The following PLEKHO2 variants were observed in gnomAD, a reference collection of about 807,000 sequenced individuals.
PLEKHO2 encodes pleckstrin homology domain containing O2, also known as pleckstrin homology domain-containing family O member 2.
Under a neutral mutation model 32.7 loss-of-function variants are expected in PLEKHO2, and 20 were observed. The ratio of observed to expected loss-of-function variants is 0.61; its 90% CI spans 0.43 to 0.89. The LOEUF (loss-of-function observed/expected upper bound fraction) is 0.89, where lower values mean the gene tolerates loss of function less well. Ranked by LOEUF, PLEKHO2 falls within the 40% of genes least tolerant of loss-of-function variation. The pLI is 0.00. For synonymous variants in PLEKHO2, 247 were observed against 246.3 expected (o/e 1.00, Z -0.03); for missense variants, 568 against 621.2 (o/e 0.91, Z 0.91).
rs1321665799 is a variant in PLEKHO2 at position 64,865,190 on chromosome 15, G to A, written c.775G>A (p.Glu259Lys). ...CCCAGCAGAGGAGGACAGTGGCTCT[G>A]AGCAGCCTCCCAACAGCGTCCTGCC... is the stretch of plus-strand genomic sequence containing the variant. ...ETPAEEDSGS[E>K]QPPNSVLPDK... is the part of the protein sequence containing the mutation. Residue 259 changes from glutamate (E) to lysine (K), a missense_variant, in exon 6 of 6, where the codon GAG becomes AAG. By Grantham distance (56) the Glu-to-Lys change is moderately conservative. Transcript: ENST00000323544. 3 of 1,614,030 alleles carry A rather than the reference G, an allele frequency of 1.9e-6. No homozygotes were observed. In the Admixed American group the frequency reaches 5.0e-5, roughly 27 times the overall value.
At chr15:64,859,559 T>G (rs972106059) in intron 3 of PLEKHO2, among the ~76,000 whole-genome samples, 1 of 152,172 alleles carries the variant, frequency 6.6e-6, no homozygotes, top group Non-Finnish European at 1.5e-5. Flanking sequence ...TGGGGTGGGT[T>G]TGAATGTAGA....
At chr15:64,855,285 T>G (rs974741638) in intron 3 of PLEKHO2, among the ~76,000 whole-genome samples, 7 of 152,326 alleles carry the variant, frequency 4.6e-5, no homozygotes, top group African/African-American at 1.4e-4. Flanking sequence ...CTTTTCCTCT[T>G]GCAGGCCCAG....
rs1167416725 is a variant in PLEKHO2 at position 64,866,866 on chromosome 15, C to T, written c.*978C>T. ...AACAGGTCCAGTATCCCAGTCATTT[C>T]TTCAAATGCTGATAGGGGTATGTTG... On this transcript the variant is annotated 3_prime_UTR_variant, in exon 6 of 6. Coordinates refer to ENST00000323544, the MANE Select transcript of PLEKHO2 (RefSeq NM_025201.5). 1 of 153,078 alleles carries T rather than the reference C, an allele frequency of 6.5e-6. No homozygotes were observed. The highest frequency in any genetic ancestry group is 1.5e-5 in the Non-Finnish European group (1 of 68,608). The allele number at this position is 153,078 out of a possible 1,614,324, so 9.5% of individuals were successfully genotyped here.
At chr15:64,862,675 A>G (rs192246668) in intron 5 of PLEKHO2, among the ~76,000 whole-genome samples, 1 of 152,348 alleles carries the variant, frequency 6.6e-6, no homozygotes, top group African/African-American at 2.4e-5. Context: ...AGAGATGGGC[A>G]CAAGACCTGG....
Position 64,863,441 on chromosome 15 carries a change from C to T in PLEKHO2, c.484-1458C>T, listed in dbSNP as rs953634743. Among the ~76,000 whole-genome samples, 7 of 151,528 alleles carry T rather than the reference C, an allele frequency of 4.6e-5. No homozygotes were observed. The East Asian group carries it at 9.8e-4, about 21-fold the overall frequency. ...AGGAATGCCTGATGGGGGCCGGGGACGGATGTAGGGAGGGCCAGCCTTGGA... is the reference window on the plus strand; with the variant it reads ...AGGAATGCCTGATGGGGGCCGGGGATGGATGTAGGGAGGGCCAGCCTTGGA... On this transcript the variant is annotated intron_variant, in intron 5 of 5. Coordinates refer to ENST00000323544, the MANE Select transcript of PLEKHO2 (RefSeq NM_025201.5).
At chr15:64,855,163 C>A (rs1352801626) in intron 3 of PLEKHO2, 126 bp downstream of exon 3, 1 of 678,948 alleles carries the variant, frequency 1.5e-6, no homozygotes, top group Non-Finnish European at 2.6e-6. Context: ...GGCTGAGGCT[C>A]AGCCCTAGCA....
chr15:64,867,818 C>T lies in PLEKHO2; in HGVS notation c.*1930C>T, dbSNP rs2084700529. On this transcript the variant is annotated 3_prime_UTR_variant, in exon 6 of 6. Coordinates refer to ENST00000323544, the MANE Select transcript of PLEKHO2 (RefSeq NM_025201.5). ...AATGCTATTAATTTCCATCCTTTAGCAGGCTGGGCCCTAGGCAGGAAGCTG... is the reference window on the plus strand; with the variant it reads ...AATGCTATTAATTTCCATCCTTTAGTAGGCTGGGCCCTAGGCAGGAAGCTG... 1 of 152,252 alleles carries T rather than the reference C, an allele frequency of 6.6e-6. No homozygotes were observed. The highest frequency in any genetic ancestry group is 2.4e-5 in the African/African-American group (1 of 41,462). The allele number at this position is 152,252 out of a possible 1,614,324, so 9.4% of individuals were successfully genotyped here.
rs555465315 is a variant in PLEKHO2, at chr15:64,866,062, C to G, written c.*174C>G. The G allele has an allele frequency of 1.1e-6, 1 of 888,342 alleles. No individual in the cohort carries two copies. Among genetic ancestry groups the G allele is most frequent in the Admixed American group, 2.9e-5 (1 of 34,534 alleles). 55.0% of individuals were successfully genotyped at this position (888,342 alleles called of 1,614,324 possible). On this transcript the variant is annotated 3_prime_UTR_variant, in exon 6 of 6. Transcript: ENST00000323544. ...CTCCTGGCGTCCTTCCTACTCTGCT[C>G]TGGCCAGTGGTGCCAGGTGCCACCC...
At chr15:64,859,342 C>G (rs1015871327) in intron 3 of PLEKHO2, among the ~76,000 whole-genome samples, 1 of 152,202 alleles carries the variant, frequency 6.6e-6, no homozygotes, top group Non-Finnish European at 1.5e-5. Context: ...AGGTCAGACA[C>G]CTGTAAGTGG....
intron 1 of PLEKHO2, among the ~76,000 whole-genome samples, chr15:64,847,221 C>T (rs1033636205): frequency 2.6e-5 from 4 of 152,236 alleles, no homozygotes; most frequent in African/African-American, 9.6e-5. Flanking sequence ...GTCTTCCCAG[C>T]TCCTGACAGT....
intron 1 of PLEKHO2, among the ~76,000 whole-genome samples, chr15:64,843,429 C>T (rs752766571): frequency 3.9e-5 from 6 of 152,130 alleles, no homozygotes; most frequent in East Asian, 3.9e-4. Flanking sequence ...TGGCCAGGGC[C>T]CCTCCCCTGC....
At chr15:64,855,345 A>G (rs532316261) in intron 3 of PLEKHO2, among the ~76,000 whole-genome samples, 14 of 152,276 alleles carry the variant, frequency 9.2e-5, no homozygotes, top group Admixed American at 1.3e-4. Flanking sequence ...GAGGTGGGGC[A>G]CTTGGCTGTA....
chr15:64,842,976 G>C (rs911766316), intron 1 of PLEKHO2, among the ~76,000 whole-genome samples: 2 of 152,224 alleles, frequency 1.3e-5, no homozygotes, highest in Non-Finnish European at 2.9e-5. Context: ...CCCAGCTTCA[G>C]CCCCTCTCAG....
chr15:64,847,941 G>A lies in PLEKHO2; in HGVS notation c.13-652G>A, dbSNP rs559523026. ...CCTGTCCTTCCAGTCTTTGTTCTGGGTGGCCTTCCTGGGCCACCCCAACCT... is the reference window on the plus strand; with the variant it reads ...CCTGTCCTTCCAGTCTTTGTTCTGGATGGCCTTCCTGGGCCACCCCAACCT... On this transcript the variant is annotated intron_variant, in intron 1 of 5. Coordinates refer to ENST00000323544, the MANE Select transcript of PLEKHO2 (RefSeq NM_025201.5). 3.9e-5 allele frequency among the ~76,000 whole-genome samples: 6 copies of A among 152,266 alleles called. No individual in the cohort carries two copies. In the East Asian group the frequency reaches 1.2e-3, roughly 29 times the overall value.
intron 3 of PLEKHO2, among the ~76,000 whole-genome samples, chr15:64,857,527 G>T (rs371365474): frequency 6.6e-6 from 1 of 152,134 alleles, no homozygotes. Context: ...TAGAGATGGG[G>T]TCTCACTATG....
intron 3 of PLEKHO2, among the ~76,000 whole-genome samples, 176 bp from the exon 4 acceptor site, chr15:64,859,718 G>C (rs1392660914): frequency 6.6e-6 from 1 of 152,254 alleles, no homozygotes. Flanking sequence ...CTGGTGGGCA[G>C]TGGGGAGGGC....
intron 4 of PLEKHO2, 106 bp from the exon 5 acceptor site, chr15:64,861,371 G>C: frequency 1.4e-6 from 1 of 738,670 alleles, no homozygotes; most frequent in Non-Finnish European, 2.2e-6. Context: ...TTCCCAGAGA[G>C]GGCAGCGGTG....
chr15:64,856,641 G>A (rs1208714107), intron 3 of PLEKHO2, among the ~76,000 whole-genome samples: 1 of 152,166 alleles, frequency 6.6e-6, no homozygotes, highest in Non-Finnish European at 1.5e-5. Context: ...CTGGCTCTGA[G>A]AACAGGACAA....
In PLEKHO2 at chr15:64,861,459, G is replaced by A; in HGVS notation, c.385-18G>A. The A allele has an allele frequency of 1.3e-6, 2 of 1,567,440 alleles. No individual in the cohort carries two copies. Among genetic ancestry groups the A allele is most frequent in the Non-Finnish European group, 1.7e-6 (2 of 1,155,578 alleles). ...CCCAAGGCTTGGCAGGGGCTGATCT[G>A]GTTCCCCCTCCCTCCAGGTAAAGGT... is the stretch of plus-strand genomic sequence containing the variant. On this transcript the variant is annotated intron_variant, in intron 4 of 5. Coordinates refer to ENST00000323544, the MANE Select transcript of PLEKHO2 (RefSeq NM_025201.5).
Sources: gnomAD v4.1 joint callset for allele counts (sites outside exome capture counted in the v4.1 genomes callset) on GRCh38, gnomAD v4.1.1 for gene constraint, MANE v1.5 for transcripts, NCBI Gene and HGNC (gene_info 2026-07-23, HGNC 2026-07-21) for gene names.